DMXL2: variants seen among roughly 807,000 people sequenced by gnomAD.
The protein encoded by DMXL2 is dmX-like protein 2.
A neutral mutation model predicts 331.1 loss-of-function variants in DMXL2; 103 were observed. The observed-to-expected ratio is 0.31, with a 90% CI of 0.27 to 0.37. The LOEUF (loss-of-function observed/expected upper bound fraction) is 0.37, where lower values mean the gene tolerates loss of function less well. Among genes scored for constraint, DMXL2 ranks in the 10% least tolerant of loss-of-function variants. The probability of loss-of-function intolerance (pLI) is 1.00; values close to 1 mark genes in which losing one functional copy is unlikely to be tolerated. For synonymous variants in DMXL2, 1,281 were observed against 1,252.1 expected, an observed-to-expected ratio of 1.02 and a Z score of -0.49; for missense variants, 3,171 against 3,642.9, an observed-to-expected ratio of 0.87 and a Z score of 3.33.
chr15:51,600,850 G>C (rs1288138702), intron 1 of DMXL2, among the ~76,000 whole-genome samples: 1 of 152,118 alleles, frequency 6.6e-6, no homozygotes, highest in Non-Finnish European at 1.5e-5. Context: ...TCTCATGAAA[G>C]ACAGACTGTA....
rs752850197 is a variant in DMXL2 at position 51,517,190 on chromosome 15, G to A, written c.2437-23C>T. On this transcript the variant is annotated intron_variant, in intron 13 of 43. Transcript: ENST00000560891. ...TTTCTGTAAATAAAAAACACAAAATGTTAATGGCCAACAAATTATAATCTA... is the reference window on the plus strand; with the variant it reads ...TTTCTGTAAATAAAAAACACAAAATATTAATGGCCAACAAATTATAATCTA... 7 of 1,544,542 alleles carry A rather than the reference G, an allele frequency of 4.5e-6. No homozygotes were observed. The African/African-American group carries it at 8.2e-5, about 18-fold the overall frequency.
chr15:51,476,736 CA>C lies in DMXL2; in HGVS notation c.6834-18del, dbSNP rs778527006. On this transcript the variant is annotated intron_variant, in intron 26 of 43. Transcript: ENST00000560891. Reference sequence around the variant, plus strand: ...GTTTGACTGCTAAAACAAATAGGTTCAGTTATTTATCATCCTGAGAGGTAAT... The same window carrying C: ...GTTTGACTGCTAAAACAAATAGGTTCGTTATTTATCATCCTGAGAGGTAAT... 6.3e-7 allele frequency: 1 copy of C among 1,584,080 alleles called. No homozygotes were observed. Among genetic ancestry groups the C allele is most frequent in the Non-Finnish European group, 8.5e-7 (1 of 1,171,812 alleles).
At chr15:51,470,346 G>A (rs1451061924) in intron 29 of DMXL2, among the ~76,000 whole-genome samples, 1 of 152,030 alleles carries the variant, frequency 6.6e-6, no homozygotes, top group Non-Finnish European at 1.5e-5. Flanking sequence ...GTCCAGGCTG[G>A]TCTCAAACTC....
At chr15:51,578,868 G>T (rs1179133494) in intron 1 of DMXL2, among the ~76,000 whole-genome samples, 1 of 152,184 alleles carries the variant, frequency 6.6e-6, no homozygotes, top group Non-Finnish European at 1.5e-5. Flanking sequence ...ACTTTGGAAG[G>T]CCAAGGCAGG....
At chr15:51,501,285 T>A (rs1050115655) in intron 17 of DMXL2, among the ~76,000 whole-genome samples, 1 of 152,192 alleles carries the variant, frequency 6.6e-6, no homozygotes, top group Non-Finnish European at 1.5e-5. Context: ...ACCTCCAATT[T>A]TGGTTTCCCA....
Position 51,498,931 on chromosome 15 carries a change from T to C in DMXL2, c.4293A>G (p.Leu1431=), listed in dbSNP as rs146290812. ...CTTGATCTGCAGCAAGTAATGCATA[T>C]AGTGGTAGTGGAGGGATAGAATCTA... ...TEIDSIPPLP[L]YALLAADQDT... The change falls in exon 18 of 44, where the codon CTA becomes CTG. Residue 1431 remains leucine (L), a synonymous_variant. Transcript: ENST00000560891. The C allele has an allele frequency of 5.6e-6, 9 of 1,614,004 alleles. No homozygotes were observed. In the African/African-American group the frequency reaches 6.7e-5, roughly 12 times the overall value.
intron 13 of DMXL2, among the ~76,000 whole-genome samples, chr15:51,521,376 G>A (rs958857877): frequency 1.3e-5 from 2 of 151,364 alleles, no homozygotes; most frequent in African/African-American, 4.9e-5. Flanking sequence ...ACATTTAGAA[G>A]ACAGCCTGAC....
intron 19 of DMXL2, among the ~76,000 whole-genome samples, chr15:51,492,069 A>G (rs138651234): frequency 6.6e-6 from 1 of 152,356 alleles, no homozygotes; most frequent in East Asian, 1.9e-4. Flanking sequence ...GGTACACCAA[A>G]TTTATCAAGA....
At chr15:51,585,330 T>C (rs1415852519) in intron 1 of DMXL2, among the ~76,000 whole-genome samples, 1 of 149,204 alleles carries the variant, frequency 6.7e-6, no homozygotes, top group Non-Finnish European at 1.5e-5. Context: ...TGAGAGTTTT[T>C]AGCATGAAGG....
At position 51,486,288 on chromosome 15, in the gene DMXL2, C is replaced by T. The variant is rs1176674407; in HGVS notation, c.5267G>A (p.Arg1756His). 6 of 1,608,214 alleles carry T rather than the reference C, an allele frequency of 3.7e-6. No homozygotes were observed. The highest frequency in any genetic ancestry group is 1.7e-5 in the Admixed American group (1 of 59,972). The change falls in exon 23 of 44, where the codon CGT becomes CAT. Residue 1756 changes from arginine (R) to histidine (H), a missense_variant. Arg to His is a conservative substitution (Grantham distance 29). Transcript: ENST00000560891. The stretch of plus-strand genomic sequence containing the variant: ...AGTCTCAAATTCAGATTCATATAAA[C>T]GGGCAATAACCATGGCTAGCTGAAT... ...EDIQLAMVIA[R>H]LYESEFETSS...
chr15:51,453,363 G>A, intron 41 of DMXL2, 187 bp downstream of exon 41: 1 of 457,262 alleles, frequency 2.2e-6, no homozygotes, highest in East Asian at 3.7e-5. Context: ...ACATATATTA[G>A]GAATAACTTT....
chr15:51,556,029 C>T (rs546967551), intron 6 of DMXL2, among the ~76,000 whole-genome samples: 92 of 152,288 alleles, frequency 6.0e-4, no homozygotes, highest in Admixed American at 2.2e-3. Context: ...CTCACTCTAA[C>T]ACATAAATCT....
intron 3 of DMXL2, chr15:51,567,719 A>T (rs1164854697): frequency 6.6e-6 from 1 of 152,264 alleles, no homozygotes; most frequent in African/African-American, 2.4e-5. Context: ...GAGCTCTGAG[A>T]CATAGTAACT....
chr15:51,459,644 A>G lies in DMXL2; in HGVS notation c.7943T>C (p.Val2648Ala), dbSNP rs1349992384. 3 of 1,289,828 alleles carry G rather than the reference A, an allele frequency of 2.3e-6. No individual in the cohort carries two copies. The highest frequency in any genetic ancestry group is 4.3e-4 in the Middle Eastern group (2 of 4,696). The allele number at this position is 1,289,828 out of a possible 1,614,324, so 79.9% of individuals were successfully genotyped here. A position where few individuals can be genotyped will look rare whatever the true frequency, so the allele number is the denominator to read the frequency against. ...TATGCAGTTTTGGTTGACCTGCTCC[A>G]CATGTTCTTCTATAGACTAAATACC... is the stretch of plus-strand genomic sequence containing the variant. ...RKQSESIEEH[V>A]EQVNQNCIAE... Residue 2648 changes from valine to alanine, a missense_variant, in exon 34 of 44, where the codon GTG (valine) becomes GCG (alanine). This residue lies in a region of DMXL2 where 766 missense variants were observed against 940.5 expected (regional missense o/e 0.81). Coordinates refer to ENST00000560891, the MANE Select transcript of DMXL2 (RefSeq NM_001378457.1).
intron 1 of DMXL2, among the ~76,000 whole-genome samples, chr15:51,609,794 T>C (rs1242961697): frequency 6.6e-6 from 1 of 152,104 alleles, no homozygotes; most frequent in Admixed American, 6.5e-5. Context: ...CCAGGCATGG[T>C]GGTACATGCC....
intron 26 of DMXL2, among the ~76,000 whole-genome samples, chr15:51,478,013 C>CT (rs1436473116): frequency 1.3e-5 from 2 of 151,980 alleles, no homozygotes; most frequent in African/African-American, 4.8e-5. Flanking sequence ...ACAGTAAACT[C>CT]TTCTTTCTTA....
intron 31 of DMXL2, 85 bp from the exon 32 acceptor site, chr15:51,464,961 A>C (rs1182743928): frequency 8.5e-7 from 1 of 1,176,726 alleles, no homozygotes; most frequent in Admixed American, 2.3e-5. Context: ...ATTCTCAGAG[A>C]TAATACTTCT....
intron 1 of DMXL2, among the ~76,000 whole-genome samples, chr15:51,618,898 T>C (rs1190297179): frequency 1.3e-5 from 2 of 152,202 alleles, no homozygotes; most frequent in East Asian, 1.9e-4. Flanking sequence ...AGAGTGCAAA[T>C]GACTTACTAA....
intron 26 of DMXL2, among the ~76,000 whole-genome samples, chr15:51,477,411 A>T (rs914238517): frequency 7.9e-5 from 12 of 152,156 alleles, no homozygotes; most frequent in East Asian, 7.7e-4. Context: ...GTTATCTTTG[A>T]TCATTTAGAT....
Sources: gnomAD v4.1 joint callset for allele counts (sites outside exome capture counted in the v4.1 genomes callset) on GRCh38, gnomAD v4.1.1 for gene constraint, gnomAD v4.1.1 regional missense constraint, MANE v1.5 for transcripts, NCBI Gene and HGNC (gene_info 2026-07-23, HGNC 2026-07-21) for gene names.